The following KCND3 variants were observed in gnomAD, a reference collection of about 807,000 sequenced individuals.
The protein encoded by KCND3 is A-type voltage-gated potassium channel KCND3.
In KCND3, 9 loss-of-function variants were observed where a neutral mutation model predicts 51.1. That is an observed-to-expected ratio of 0.18 (90% CI 0.11 to 0.31). KCND3 has a LOEUF of 0.31. Among genes scored for constraint, KCND3 ranks in the 10% least tolerant of loss-of-function variants. The probability of loss-of-function intolerance (pLI) is 1.00; values close to 1 mark genes in which losing one functional copy is unlikely to be tolerated. For synonymous variants in KCND3, 349 were observed against 368.0 expected, an observed-to-expected ratio of 0.95 and a Z score of 0.59; for missense variants, 526 against 903.8, an observed-to-expected ratio of 0.58 and a Z score of 5.36.
At chr1:111,968,502 T>G (rs910229626) in intron 2 of KCND3, among the ~76,000 whole-genome samples, 2 of 152,218 alleles carry the variant, frequency 1.3e-5, no homozygotes, top group African/African-American at 4.8e-5. Context: ...TCACAACTTA[T>G]GAAGAAAGAT....
At chr1:111,893,574 G>T (rs1277602615) in intron 2 of KCND3, among the ~76,000 whole-genome samples, 5 of 152,124 alleles carry the variant, frequency 3.3e-5, no homozygotes, top group Non-Finnish European at 7.4e-5. Flanking sequence ...TATAGTACAG[G>T]CAAGGCTAGA....
rs112550819 is a variant in KCND3, at chr1:111,828,751, C to T, written c.1107-41645G>A. Among the ~76,000 whole-genome samples, 242 of 152,302 alleles carry T rather than the reference C, an allele frequency of 1.6e-3. 1 individual carries two copies. Among genetic ancestry groups the T allele is most frequent in the African/African-American group, 5.5e-3 (229 of 41,574 alleles). ...CCTTTTACTCGGATCCACTGCTTTG[C>T]TCTTTGCTGTTGCCACCGTCCATTA... On this transcript the variant is annotated intron_variant, in intron 2 of 7. Transcript: ENST00000302127.
intron 2 of KCND3, among the ~76,000 whole-genome samples, chr1:111,843,663 A>C (rs1035851640): frequency 6.6e-6 from 1 of 152,210 alleles, no homozygotes; most frequent in Non-Finnish European, 1.5e-5. Flanking sequence ...GCTGGAAAGA[A>C]GATAGTGATA....
chr1:111,788,158 A>C (rs528740909), intron 2 of KCND3, among the ~76,000 whole-genome samples: 1 of 152,258 alleles, frequency 6.6e-6, no homozygotes, highest in African/African-American at 2.4e-5. Flanking sequence ...CTGTCCCTCC[A>C]ATCAATAAGA....
chr1:111,848,969 C>A (rs931421068), intron 2 of KCND3, among the ~76,000 whole-genome samples: 5 of 152,154 alleles, frequency 3.3e-5, no homozygotes, highest in Non-Finnish European at 7.4e-5. Flanking sequence ...ATCCTTCCCC[C>A]AGTTCTCTCC....
chr1:111,842,667 C>T (rs772895830), intron 2 of KCND3, among the ~76,000 whole-genome samples: 3 of 152,214 alleles, frequency 2.0e-5, no homozygotes, highest in Non-Finnish European at 4.4e-5. Context: ...GTGGCCCCCA[C>T]CTCCATCTGT....
chr1:111,806,336 C>G (rs72692545), intron 2 of KCND3, among the ~76,000 whole-genome samples: 2 of 152,214 alleles, frequency 1.3e-5, no homozygotes, highest in Non-Finnish European at 2.9e-5. Context: ...GCCCGGCCCT[C>G]CCATTCTCCT....
At chr1:111,860,099 G>A (rs1668265049) in intron 2 of KCND3, among the ~76,000 whole-genome samples, 1 of 152,222 alleles carries the variant, frequency 6.6e-6, no homozygotes, top group South Asian at 2.1e-4. Context: ...CACCGTCTTA[G>A]ATACTACCAA....
At position 111,982,325 on chromosome 1, in the gene KCND3, C is replaced by T. The variant is rs1343440703; in HGVS notation, c.402G>A (p.Glu134=). 1 of 1,614,186 alleles carries T rather than the reference C, an allele frequency of 6.2e-7. No homozygotes were observed. Among genetic ancestry groups the T allele is most frequent in the East Asian group, 2.2e-5 (1 of 44,864 alleles). Reference sequence around the variant, plus strand: ...TCTCCCTCTTGCGGTCCTTGTACTCCTCGTAGCAGCAGTCCCCGATGATCT... The same window carrying T: ...TCTCCCTCTTGCGGTCCTTGTACTCTTCGTAGCAGCAGTCCCCGATGATCT... ...LPEIIGDCCY[E]EYKDRKRENA... The change falls in exon 2 of 8, where the codon GAG becomes GAA. Residue 134 remains glutamate (E), a synonymous_variant. Transcript: ENST00000302127. The surrounding 1 kb of genome is among the most constrained non-coding windows in gnomAD (Gnocchi z 8.5).
intron 2 of KCND3, chr1:111,909,792 C>G (rs1670843719): frequency 6.6e-6 from 1 of 152,204 alleles, no homozygotes; most frequent in South Asian, 2.1e-4. Context: ...ATCTCTCAGC[C>G]CTTTTTTCAC....
intron 2 of KCND3, among the ~76,000 whole-genome samples, chr1:111,796,987 G>A (rs911873494): frequency 6.6e-6 from 1 of 152,174 alleles, no homozygotes. Flanking sequence ...CAATAATCTT[G>A]TCTTGCCACC....
chr1:111,836,619 G>T (rs1173320625), intron 2 of KCND3, among the ~76,000 whole-genome samples: 1 of 152,188 alleles, frequency 6.6e-6, no homozygotes, highest in African/African-American at 2.4e-5. Flanking sequence ...TCACCTGACA[G>T]ACCCTGTGGG....
At chr1:111,851,948 C>T (rs1186865621) in intron 2 of KCND3, among the ~76,000 whole-genome samples, 1 of 152,234 alleles carries the variant, frequency 6.6e-6, no homozygotes, top group East Asian at 1.9e-4. Flanking sequence ...TCCCTATAGC[C>T]TCCTCTTGTC....
At chr1:111,902,577 T>C (rs560734468) in intron 2 of KCND3, among the ~76,000 whole-genome samples, 23 of 152,348 alleles carry the variant, frequency 1.5e-4, no homozygotes, top group African/African-American at 5.5e-4. Flanking sequence ...ACCTGTCTCA[T>C]GTGCCCACTG....
At chr1:111,878,442 C>T (rs911816819) in intron 2 of KCND3, among the ~76,000 whole-genome samples, 3 of 152,220 alleles carry the variant, frequency 2.0e-5, no homozygotes, top group Non-Finnish European at 2.9e-5. Flanking sequence ...GGCGCCCGCC[C>T]AAGGCAACAG....
chr1:111,939,475 CTG>C (rs1199447938), intron 2 of KCND3, among the ~76,000 whole-genome samples: 2 of 152,112 alleles, frequency 1.3e-5, no homozygotes, highest in Admixed American at 6.5e-5. Context: ...TGAGAACATT[CTG>C]TGTTTGGTTT....
chr1:111,775,893 G>A lies in KCND3; in HGVS notation c.*184C>T, dbSNP rs1012532810. 65 of 531,110 alleles carry A rather than the reference G, an allele frequency of 1.2e-4. No individual in the cohort carries two copies. Among genetic ancestry groups the A allele is most frequent in the East Asian group, 2.2e-4 (5 of 22,598 alleles). The allele number at this position is 531,110 out of a possible 1,614,324, so 32.9% of individuals were successfully genotyped here. A position where few individuals can be genotyped will look rare whatever the true frequency, so the allele number is the denominator to read the frequency against. On this transcript the variant is annotated 3_prime_UTR_variant, in exon 8 of 8. Transcript: ENST00000302127. ...ACAGGGCTATGTCCACGCTAGCAGCGTGAACCTCAGGTGCCCCTTTGCTAC... is the reference window on the plus strand; with the variant it reads ...ACAGGGCTATGTCCACGCTAGCAGCATGAACCTCAGGTGCCCCTTTGCTAC...
rs1360086721 is a variant in KCND3, at chr1:111,863,039, T to C, written c.1107-75933A>G. ...ATTAGAATAGAAAGCGGACTAATGA[T>C]AGCAACAAGAAGAAGAAAGAGAAAA... is the stretch of plus-strand genomic sequence containing the variant. On this transcript the variant is annotated intron_variant, in intron 2 of 7. Transcript: ENST00000302127. Among the ~76,000 whole-genome samples the C allele has an allele frequency of 3.3e-5, 5 of 152,172 alleles. No individual in the cohort carries two copies. In the East Asian group the frequency reaches 5.8e-4, roughly 18 times the overall value.
At chr1:111,813,207 C>T (rs1665935675) in intron 2 of KCND3, among the ~76,000 whole-genome samples, 1 of 152,280 alleles carries the variant, frequency 6.6e-6, no homozygotes, top group Non-Finnish European at 1.5e-5. Context: ...ACTCTTGGAA[C>T]CCTAGCAAGC....
Sources: allele counts gnomAD v4.1 joint callset (sites outside exome capture counted in the v4.1 genomes callset), GRCh38; gene constraint gnomAD v4.1.1; non-coding constraint Gnocchi (gnomAD v3.1); transcripts MANE v1.5; gene names NCBI Gene and HGNC (gene_info 2026-07-23, HGNC 2026-07-21).